TJP1: variants seen among roughly 807,000 people sequenced by gnomAD.
TJP1 encodes tight junction protein 1.
Under a neutral mutation model 194.2 loss-of-function variants are expected in TJP1, and 43 were observed. That is an observed-to-expected ratio of 0.22 (90% CI 0.17 to 0.29). The LOEUF is 0.29. Ranked by LOEUF, TJP1 falls within the 10% of genes least tolerant of loss-of-function variation. The probability of loss-of-function intolerance (pLI) is 1.00; values close to 1 mark genes in which losing one functional copy is unlikely to be tolerated. For synonymous variants in TJP1, 801 were observed against 779.0 expected, an observed-to-expected ratio of 1.03 and a Z score of -0.47; for missense variants, 1,971 against 2,185.7, an observed-to-expected ratio of 0.90 and a Z score of 1.96.
intron 2 of TJP1, among the ~76,000 whole-genome samples, chr15:29,787,652 C>G (rs923846509): frequency 1.3e-5 from 2 of 152,140 alleles, no homozygotes; most frequent in African/African-American, 4.8e-5. Context: ...TTTCAAGGTT[C>G]ATCAATGTTG....
chr15:29,772,020 A>G, intron 4 of TJP1, 44 bp downstream of exon 4: 1 of 1,227,022 alleles, frequency 8.1e-7, no homozygotes, highest in Non-Finnish European at 1.2e-6. Context: ...TATCAACAAT[A>G]AAGTTGGGGT....
chr15:29,797,817 T>C lies in TJP1; in HGVS notation c.84+2829A>G, dbSNP rs1472093973. The stretch of plus-strand genomic sequence containing the variant: ...AATACGTGAAGTCTATGTTGTATTT[T>C]GCCGCAATTTTATAAAATCTCAATA... On this transcript the variant is annotated intron_variant, in intron 2 of 27. Transcript: ENST00000614355. Among the ~76,000 whole-genome samples the C allele has an allele frequency of 2.6e-5, 4 of 152,312 alleles. No homozygotes were observed. The East Asian group carries it at 7.7e-4, about 29-fold the overall frequency.
chr15:29,805,558 CAT>C (rs2049056342), intron 1 of TJP1, among the ~76,000 whole-genome samples: 1 of 152,156 alleles, frequency 6.6e-6, no homozygotes, highest in Non-Finnish European at 1.5e-5. Flanking sequence ...ATTCAACAAA[CAT>C]GTATCAGACA....
intron 8 of TJP1, among the ~76,000 whole-genome samples, chr15:29,749,778 G>C (rs754661375): frequency 5.9e-5 from 9 of 152,160 alleles, no homozygotes; most frequent in Non-Finnish European, 2.9e-5. Context: ...GAGTGAGTGG[G>C]AGCCTCTTCC....
intron 2 of TJP1, among the ~76,000 whole-genome samples, chr15:29,843,931 T>C (rs920792924): frequency 6.6e-6 from 1 of 152,138 alleles, no homozygotes; most frequent in African/African-American, 2.4e-5. Context: ...GAGGCCTTGA[T>C]GTATCTGAGG....
intron 2 of TJP1, among the ~76,000 whole-genome samples, chr15:29,861,205 A>C (rs772760776): frequency 4.6e-5 from 7 of 152,152 alleles, no homozygotes; most frequent in Non-Finnish European, 1.0e-4. Context: ...TAGACCTGCA[A>C]ACTGCTCAGG....
intron 2 of TJP1, among the ~76,000 whole-genome samples, chr15:29,869,795 CTTTTTTTTTTTTTTT>C (rs11318770): frequency 4.5e-4 from 25 of 56,008 alleles, no homozygotes; most frequent in African/African-American, 1.3e-3. Flanking sequence ...TTCTTTCTTT[CTTTTTTTTTTTTTTT>C]TTTTTTTTTT....
intron 1 of TJP1, among the ~76,000 whole-genome samples, chr15:29,956,598 A>T (rs1309627106): frequency 1.3e-5 from 2 of 152,194 alleles, no homozygotes; most frequent in Non-Finnish European, 2.9e-5. Context: ...GATTTATTAG[A>T]CTGTGGGTGG....
At chr15:29,744,561 A>T (rs906154311) in intron 8 of TJP1, among the ~76,000 whole-genome samples, 1 of 152,196 alleles carries the variant, frequency 6.6e-6, no homozygotes, top group African/African-American at 2.4e-5. Context: ...TAAAAAGATA[A>T]ATCAAGATCT....
rs372272000 is a variant in TJP1, at chr15:29,718,906, C to T, written c.3236G>A (p.Arg1079Gln). The T allele has an allele frequency of 3.3e-5, 54 of 1,614,144 alleles. No homozygotes were observed. Among genetic ancestry groups the T allele is most frequent in the South Asian group, 3.0e-4 (27 of 91,078 alleles). Reference protein sequence around the residue: ...QFSRNYEHRLRYEDRVPMYEE... With the variant: ...QFSRNYEHRLQYEDRVPMYEE... ...ATACATGGGGACGCGATCTTCGTAT[C>T]GCAGACGATGTTCATAGTTTCGAGA... Residue 1079 changes from arginine (R) to glutamine (Q), a missense_variant, in exon 21 of 28, where the codon CGA becomes CAA. By Grantham distance (43) the Arg-to-Gln change is conservative (BLOSUM62 1). Transcript: ENST00000614355.
At chr15:29,852,419 G>A (rs905117620) in intron 2 of TJP1, among the ~76,000 whole-genome samples, 17 of 152,194 alleles carry the variant, frequency 1.1e-4, no homozygotes, top group African/African-American at 4.1e-4. Flanking sequence ...AGACATCACT[G>A]CATACCTGTC....
At chr15:29,880,036 T>C (rs1329468796) in intron 2 of TJP1, among the ~76,000 whole-genome samples, 3 of 152,224 alleles carry the variant, frequency 2.0e-5, no homozygotes, top group Non-Finnish European at 4.4e-5. Flanking sequence ...AAATTATCAT[T>C]AGAATACAAT....
Position 29,719,075 on chromosome 15 carries a change from C to T in TJP1, c.3067G>A (p.Ala1023Thr). Reference sequence around the variant, plus strand: ...GGCCTGTGCCCTGGGTGACTAACGGCTGGCTGTTTCAAAACATGGTTCTGC... The same window carrying T: ...GGCCTGTGCCCTGGGTGACTAACGGTTGGCTGTTTCAAAACATGGTTCTGC... ...MRQNHVLKQP[A>T]VSHPGHRPDK... Residue 1023 changes from alanine (A) to threonine (T), a missense_variant, in exon 21 of 28, where the codon GCC (alanine) becomes ACC (threonine). Ala to Thr is a moderately conservative substitution (Grantham distance 58). Transcript: ENST00000614355. 1 of 1,614,128 alleles carries T rather than the reference C, an allele frequency of 6.2e-7. No homozygotes were observed. Among genetic ancestry groups the T allele is most frequent in the South Asian group, 1.1e-5 (1 of 91,070 alleles).
At chr15:29,868,900 T>C (rs2052397397) in intron 2 of TJP1, among the ~76,000 whole-genome samples, 1 of 152,132 alleles carries the variant, frequency 6.6e-6, no homozygotes, top group African/African-American at 2.4e-5. Flanking sequence ...GAAGCTTCCA[T>C]ATTAAAAGTG....
At chr15:29,952,536 C>A (rs905512089) in intron 2 of TJP1, among the ~76,000 whole-genome samples, 2 of 152,204 alleles carry the variant, frequency 1.3e-5, no homozygotes, top group African/African-American at 4.8e-5. Flanking sequence ...CAGCCAGAAA[C>A]TGGGACCAGG....
intron 2 of TJP1, among the ~76,000 whole-genome samples, chr15:29,870,565 C>A (rs1287638813): frequency 6.6e-6 from 1 of 152,120 alleles, no homozygotes; most frequent in Non-Finnish European, 1.5e-5. Flanking sequence ...TTATTGTGCC[C>A]CTGGGAAATT....
intron 5 of TJP1, among the ~76,000 whole-genome samples, chr15:29,763,878 T>C (rs1171878957): frequency 1.3e-5 from 2 of 152,066 alleles, no homozygotes; most frequent in Non-Finnish European, 2.9e-5. Flanking sequence ...CCTTTTAGGA[T>C]ATCTGGGCAA....
At chr15:29,842,476 C>G (rs2051260298) in intron 2 of TJP1, among the ~76,000 whole-genome samples, 1 of 152,052 alleles carries the variant, frequency 6.6e-6, no homozygotes, top group African/African-American at 2.4e-5. Flanking sequence ...CACACACACC[C>G]ACACTCACAC....
chr15:29,881,799 A>G lies in TJP1; in HGVS notation c.306+74433T>C, dbSNP rs531048890. ...GCTTCTGGACAATAAAACTACGACAATGTTTTTGAGAGTGGTCTATTCCCT... is the reference window on the plus strand; with the variant it reads ...GCTTCTGGACAATAAAACTACGACAGTGTTTTTGAGAGTGGTCTATTCCCT... On this transcript the variant is annotated intron_variant, in intron 2 of 28. Transcript: ENST00000356107. Among the ~76,000 whole-genome samples the G allele has an allele frequency of 1.4e-4, 21 of 152,182 alleles. No individual in the cohort carries two copies. The East Asian group carries it at 4.1e-3, about 29-fold the overall frequency.
Sources: allele counts gnomAD v4.1 joint callset (sites outside exome capture counted in the v4.1 genomes callset), GRCh38; gene constraint gnomAD v4.1.1; transcripts MANE v1.5; gene names NCBI Gene and HGNC (gene_info 2026-07-23, HGNC 2026-07-21).